Variants in RBMS1 observed in about 807,000 individuals in gnomAD.
The protein encoded by RBMS1 is RNA-binding motif, single-stranded-interacting protein 1.
Under a neutral mutation model 62.3 loss-of-function variants are expected in RBMS1, and 17 were observed. The ratio of observed to expected loss-of-function variants is 0.27; its 90% confidence interval spans 0.19 to 0.41. The LOEUF is 0.41. Ranked by LOEUF, RBMS1 falls within the 10% of genes least tolerant of loss-of-function variation. The probability of loss-of-function intolerance (pLI) is 1.00; values close to 1 mark genes in which losing one functional copy is unlikely to be tolerated. For missense variants in RBMS1, 334 were observed against 504.5 expected (o/e 0.66, Z 3.24); for synonymous variants, 172 against 170.0 (o/e 1.01, Z -0.09).
chr2:160,344,939 T>C (rs1377870618), intron 2 of RBMS1, among the ~76,000 whole-genome samples: 1 of 152,200 alleles, frequency 6.6e-6, no homozygotes, highest in Admixed American at 6.5e-5. Context: ...TAAAGATATA[T>C]TAATAGACAT....
chr2:160,357,802 G>T (rs1289702249), intron 2 of RBMS1, among the ~76,000 whole-genome samples: 1 of 152,094 alleles, frequency 6.6e-6, no homozygotes, highest in East Asian at 1.9e-4. Context: ...CCCCTAAGAA[G>T]ACAAACCGAC....
chr2:160,448,132 TATA>T (rs950293895), intron 1 of RBMS1, among the ~76,000 whole-genome samples: 1 of 152,236 alleles, frequency 6.6e-6, no homozygotes, highest in Non-Finnish European at 1.5e-5. Flanking sequence ...TATATCCTTT[TATA>T]ATATTGTCTA....
chr2:160,401,771 C>T (rs1695432264), intron 1 of RBMS1, among the ~76,000 whole-genome samples: 1 of 152,070 alleles, frequency 6.6e-6, no homozygotes, highest in Non-Finnish European at 1.5e-5. Flanking sequence ...CTCTTTTTAC[C>T]TTCCTAATAT....
At chr2:160,377,511 G>A (rs1356331303) in intron 1 of RBMS1, among the ~76,000 whole-genome samples, 1 of 152,200 alleles carries the variant, frequency 6.6e-6, no homozygotes, top group African/African-American at 2.4e-5. Flanking sequence ...CTGTGTGAAT[G>A]AATTTGGGAA....
intron 5 of RBMS1, among the ~76,000 whole-genome samples, chr2:160,301,616 T>C (rs1463324188): frequency 6.6e-6 from 1 of 152,192 alleles, no homozygotes; most frequent in African/African-American, 2.4e-5. Flanking sequence ...GTGACTCACT[T>C]GCGTCATTTT....
intron 1 of RBMS1, among the ~76,000 whole-genome samples, chr2:160,410,378 A>G (rs77094033): frequency 0.028 from 4,209 of 152,282 alleles, 77 homozygotes; most frequent in Non-Finnish European, 0.044. Context: ...CCGGGGTTCA[A>G]AAGTTCCAAA....
chr2:160,396,815 G>A (rs948698962), intron 1 of RBMS1, among the ~76,000 whole-genome samples: 12 of 151,932 alleles, frequency 7.9e-5, no homozygotes, highest in African/African-American at 2.7e-4. Context: ...CGCCCACCTC[G>A]GACTCCCAAA....
At chr2:160,465,888 A>ACACACACACACACACACACACACT (rs569580064) in intron 1 of RBMS1, among the ~76,000 whole-genome samples, 25 of 145,276 alleles carry the variant, frequency 1.7e-4, no homozygotes, top group Non-Finnish European at 2.9e-4. Flanking sequence ...ACACACACAC[A>ACACACACACACACACACACACACT]CTCTCACATT....
intron 1 of RBMS1, among the ~76,000 whole-genome samples, chr2:160,448,325 C>T (rs1235135742): frequency 2.0e-5 from 3 of 147,554 alleles, no homozygotes; most frequent in Non-Finnish European, 3.0e-5. Flanking sequence ...CCTCTTTGCA[C>T]GGTCTCCCTC....
chr2:160,373,842 T>C (rs1214053808), intron 1 of RBMS1, among the ~76,000 whole-genome samples: 1 of 152,100 alleles, frequency 6.6e-6, no homozygotes, highest in African/African-American at 2.4e-5. Context: ...AATGGTGTAG[T>C]ACAGTACAGT....
At chr2:160,421,289 C>G (rs1017412782) in intron 1 of RBMS1, among the ~76,000 whole-genome samples, 1 of 151,154 alleles carries the variant, frequency 6.6e-6, no homozygotes, top group African/African-American at 2.5e-5. Flanking sequence ...AATGCTATTC[C>G]CTCCCCCCTT....
intron 1 of RBMS1, among the ~76,000 whole-genome samples, chr2:160,380,001 AG>A (rs1448710925): frequency 1.3e-5 from 2 of 152,174 alleles, no homozygotes; most frequent in African/African-American, 4.8e-5. Context: ...CATGATATTT[AG>A]TTTCATTATA....
intron 1 of RBMS1, among the ~76,000 whole-genome samples, chr2:160,368,346 C>A (rs141804425): frequency 6.6e-6 from 1 of 152,180 alleles, no homozygotes; most frequent in Middle Eastern, 3.2e-3. Context: ...AAGGACATCA[C>A]TCATGAACAG....
chr2:160,377,002 G>A (rs1694035345), intron 1 of RBMS1, among the ~76,000 whole-genome samples: 1 of 151,930 alleles, frequency 6.6e-6, no homozygotes. Context: ...TTGCGTGTGT[G>A]AACAGTCATG....
chr2:160,414,921 A>G (rs184701707), intron 1 of RBMS1, among the ~76,000 whole-genome samples: 1 of 152,296 alleles, frequency 6.6e-6, no homozygotes, highest in African/African-American at 2.4e-5. Context: ...TCTGAATAAA[A>G]TGCCATTTAA....
chr2:160,358,941 C>T (rs182462218), intron 2 of RBMS1, among the ~76,000 whole-genome samples: 3 of 151,638 alleles, frequency 2.0e-5, no homozygotes, highest in Admixed American at 1.3e-4. Flanking sequence ...TTGTAAAATA[C>T]CATTTTAAAA....
intron 1 of RBMS1, among the ~76,000 whole-genome samples, chr2:160,386,482 T>C (rs778519255): frequency 6.6e-6 from 1 of 150,874 alleles, no homozygotes; most frequent in Non-Finnish European, 1.5e-5. Context: ...GTTGCAGTGC[T>C]GAGAGCTGAG....
At chr2:160,405,272 G>A (rs1376789774) in intron 1 of RBMS1, among the ~76,000 whole-genome samples, 1 of 141,468 alleles carries the variant, frequency 7.1e-6, no homozygotes, top group Non-Finnish European at 1.5e-5. Flanking sequence ...TTTTTTTTCT[G>A]GCAAATTAGC....
rs570497731 is a variant in RBMS1 at position 160,300,578 on chromosome 2, G to A, written c.640+73C>T. On this transcript the variant is annotated intron_variant, in intron 6 of 13. Transcript: ENST00000348849. ...AATGAGGGGTTTTTGTTCTATTGAA[G>A]AGTCATCATGTGCTAAAGTTAAACA... 9 of 1,463,136 alleles carry A rather than the reference G, an allele frequency of 6.2e-6. No homozygotes were observed. In the African/African-American group the frequency reaches 7.2e-5, roughly 12 times the overall value. The allele number at this position is 1,463,136 out of a possible 1,614,324, so 90.6% of individuals were successfully genotyped here.
Sources: gnomAD v4.1 joint callset for allele counts (sites outside exome capture counted in the v4.1 genomes callset) on GRCh38, gnomAD v4.1.1 for gene constraint, MANE v1.5 for transcripts, NCBI Gene and HGNC (gene_info 2026-07-23, HGNC 2026-07-21) for gene names.